The following RPF1 variants were observed in gnomAD, a reference collection of about 807,000 sequenced individuals.
RPF1 encodes the protein ribosome production factor 1.
Under a neutral mutation model 41.9 loss-of-function variants are expected in RPF1, and 34 were observed. That is an observed-to-expected ratio of 0.81 (90% CI 0.62 to 1.08). The LOEUF is 1.08. Among genes scored for constraint, RPF1 ranks in the 50% least tolerant of loss-of-function variants. RPF1 has a pLI of 0.00. For missense variants in RPF1, 425 were observed against 435.2 expected (o/e 0.98, Z 0.21); for synonymous variants, 140 against 148.9 (o/e 0.94, Z 0.43).
Position 84,495,641 on chromosome 1 carries a change from T to A in RPF1, c.699+186T>A, listed in dbSNP as rs146262251. Among the ~76,000 whole-genome samples the A allele has an allele frequency of 1.4e-3, 219 of 152,330 alleles. 1 individual carries two copies. The highest frequency in any genetic ancestry group is 5.0e-3 in the African/African-American group (209 of 41,588). On this transcript the variant is annotated intron_variant, in intron 6 of 8. Transcript: ENST00000370654. ...AAGTTACAGCCGGCAGGCAATAGTC[T>A]TCATTACTATGAAGCACGTTGATTT...
At chr1:84,480,858 T>C in intron 1 of RPF1, 98 bp from the exon 2 acceptor site, 1 of 672,856 alleles carries the variant, frequency 1.5e-6, no homozygotes. Context: ...ACCGCCCAGT[T>C]CGAGTATTCA....
intron 3 of RPF1, 145 bp downstream of exon 3, chr1:84,483,140 T>A: frequency 2.0e-6 from 1 of 508,688 alleles, no homozygotes. Flanking sequence ...TCTTATTATT[T>A]GGTGAAGACT....
chr1:84,490,929 A>G (rs572589952), intron 5 of RPF1, among the ~76,000 whole-genome samples: 2 of 152,260 alleles, frequency 1.3e-5, no homozygotes, highest in East Asian at 3.9e-4. Flanking sequence ...AGGCAGAGAA[A>G]AGCGCTCAGT....
At chr1:84,492,284 T>A (rs761028083) in intron 5 of RPF1, among the ~76,000 whole-genome samples, 1 of 152,164 alleles carries the variant, frequency 6.6e-6, no homozygotes, top group Non-Finnish European at 1.5e-5. Context: ...GGAAAGTAGA[T>A]TCTAGGAACA....
chr1:84,497,315 GCACTAGT>G, intron 8 of RPF1, 107 bp from the exon 9 acceptor site: 1 of 780,848 alleles, frequency 1.3e-6, no homozygotes, highest in Non-Finnish European at 2.1e-6. Context: ...CGGTTTTTCA[GCACTAGT>G]GTTACTTATG....
At chr1:84,481,480 G>C (rs928976970) in intron 2 of RPF1, among the ~76,000 whole-genome samples, 1 of 152,196 alleles carries the variant, frequency 6.6e-6, no homozygotes, top group Non-Finnish European at 1.5e-5. Flanking sequence ...CTGGGGAAAG[G>C]CAGGACAGAT....
Position 84,495,869 on chromosome 1 carries a change from ATTAT to A in RPF1, c.700-10_700-7del. On this transcript the variant is annotated splice_polypyrimidine_tract_variant and intron_variant, in intron 6 of 8. Transcript: ENST00000370654. ...TAGCCCATTGTGATATTTATTTTTC[ATTAT>A]TTTTCTAGAGAAGAGGCAAGGACCC... 6.6e-7 allele frequency: 1 copy of A among 1,524,784 alleles called. No homozygotes were observed. Among genetic ancestry groups the A allele is most frequent in the Non-Finnish European group, 8.9e-7 (1 of 1,119,956 alleles). The allele number at this position is 1,524,784 out of a possible 1,614,324, so 94.5% of individuals were successfully genotyped here.
chr1:84,484,792 T>G (rs1003923224), intron 3 of RPF1, among the ~76,000 whole-genome samples: 6 of 151,524 alleles, frequency 4.0e-5, no homozygotes, highest in Middle Eastern at 3.4e-3. Flanking sequence ...TTCAAGCGAT[T>G]CTCCTGCCTC....
chr1:84,496,678 C>A (rs1681941718), intron 8 of RPF1, among the ~76,000 whole-genome samples: 1 of 151,952 alleles, frequency 6.6e-6, no homozygotes, highest in African/African-American at 2.4e-5. Context: ...TACCTAGGAA[C>A]CTATTAGGAA....
At chr1:84,493,637 C>T (rs551873696) in intron 5 of RPF1, among the ~76,000 whole-genome samples, 5 of 151,152 alleles carry the variant, frequency 3.3e-5, no homozygotes, top group African/African-American at 1.2e-4. Flanking sequence ...TAAGTTTTAA[C>T]AGATTAGTTG....
intron 5 of RPF1, among the ~76,000 whole-genome samples, chr1:84,492,662 TA>T (rs1465387104): frequency 3.9e-5 from 6 of 152,236 alleles, no homozygotes; most frequent in Non-Finnish European, 8.8e-5. Flanking sequence ...GAGAAGCATG[TA>T]AACTTTATCT....
chr1:84,485,890 A>G (rs1162015651), intron 3 of RPF1, among the ~76,000 whole-genome samples: 1 of 152,178 alleles, frequency 6.6e-6, no homozygotes, highest in African/African-American at 2.4e-5. Context: ...GAGGTTGAAC[A>G]TCTTTTCATA....
intron 6 of RPF1, 77 bp downstream of exon 6, chr1:84,495,532 A>C (rs1681918884): frequency 2.9e-6 from 2 of 686,730 alleles, no homozygotes; most frequent in African/African-American, 3.7e-5. Context: ...TGTATCTTAT[A>C]GCTCTAATTT....
intron 3 of RPF1, among the ~76,000 whole-genome samples, chr1:84,486,907 G>C (rs937549439): frequency 6.6e-6 from 1 of 152,154 alleles, no homozygotes; most frequent in Admixed American, 6.5e-5. Context: ...TAAGGTTTTA[G>C]ACTGAGCAAA....
At chr1:84,480,915 G>T (rs1365386730) in intron 1 of RPF1, 41 bp from the exon 2 acceptor site, 1 of 1,069,136 alleles carries the variant, frequency 9.4e-7, no homozygotes, top group Admixed American at 1.9e-5. Context: ...GATATAACTG[G>T]TTGTTTCTCA....
At chr1:84,495,548 A>G in intron 6 of RPF1, 93 bp downstream of exon 6, 1 of 640,252 alleles carries the variant, frequency 1.6e-6, no homozygotes, top group Non-Finnish European at 2.6e-6. Context: ...AATTTATTTT[A>G]ATAATGGCAT....
intron 3 of RPF1, among the ~76,000 whole-genome samples, chr1:84,487,267 A>G (rs1681753186): frequency 1.3e-5 from 2 of 152,204 alleles, no homozygotes; most frequent in Non-Finnish European, 2.9e-5. Flanking sequence ...CTTTTGTGGT[A>G]CAAGAGTAGT....
rs779931293 is a variant in RPF1, at chr1:84,498,125, G to A, written c.*655G>A. On this transcript the variant is annotated 3_prime_UTR_variant, in exon 9 of 9. Transcript: ENST00000370654. ...ATAAGTAACTCATGGATGGAAACCC[G>A]TAGAACTTAACAGCCTCCTCCTGAC... is the stretch of plus-strand genomic sequence containing the variant. Among the ~76,000 whole-genome samples, 11 of 152,090 alleles carry A rather than the reference G, an allele frequency of 7.2e-5. No individual in the cohort carries two copies. The highest frequency in any genetic ancestry group is 1.2e-4 in the African/African-American group (5 of 41,402).
chr1:84,482,864 TA>T, intron 2 of RPF1, 50 bp from the exon 3 acceptor site: 1 of 1,139,540 alleles, frequency 8.8e-7, no homozygotes, highest in Admixed American at 1.8e-5. Context: ...CCAACAGTAA[TA>T]TAATTAATGT....
Sources: gnomAD v4.1 joint callset for allele counts (sites outside exome capture counted in the v4.1 genomes callset) on GRCh38, gnomAD v4.1.1 for gene constraint, MANE v1.5 for transcripts, NCBI Gene and HGNC (gene_info 2026-07-23, HGNC 2026-07-21) for gene names.